ZNF665: variants seen among roughly 807,000 people sequenced by gnomAD.
The protein encoded by ZNF665 is zinc finger protein 665.
ZNF665 carries 6 observed loss-of-function variants against 7.9 expected under a neutral mutation model. The ratio of observed to expected loss-of-function variants is 0.76; its 90% CI spans 0.42 to 1.50. ZNF665 has a LOEUF of 1.50. Among genes scored for constraint, ZNF665 ranks in the 40% most tolerant of loss-of-function variants. The pLI, the probability that ZNF665 is intolerant of heterozygous loss-of-function variation, is 0.01. For synonymous variants in ZNF665, 242 were observed against 274.5 expected, an observed-to-expected ratio of 0.88 and a Z score of 1.17; for missense variants, 819 against 806.7, an observed-to-expected ratio of 1.02 and a Z score of -0.18.
In ZNF665 at chr19:53,183,207, G is replaced by A. The variant is rs148154632; in HGVS notation, c.-45-264C>T. Among the ~76,000 whole-genome samples the A allele has an allele frequency of 4.1e-3, 627 of 152,280 alleles. 1 individual carries two copies. Among genetic ancestry groups the A allele is most frequent in the African/African-American group, 0.014 (591 of 41,562 alleles). ...TGGAGAAGCCCCCACACAGGCTGCA[G>A]CAGTGGGGAGCTGGGCTGGAATGAG... is the stretch of plus-strand genomic sequence containing the variant. On this transcript the variant is annotated intron_variant, in intron 1 of 3. Transcript: ENST00000396424.
At chr19:53,180,348 G>A (rs2090729148) in intron 2 of ZNF665, among the ~76,000 whole-genome samples, 1 of 151,888 alleles carries the variant, frequency 6.6e-6, no homozygotes, top group African/African-American at 2.4e-5. Flanking sequence ...CAGGAGAATT[G>A]CTTGAACCTA....
Position 53,175,549 on chromosome 19 carries a change from A to G in ZNF665, c.38T>C (p.Val13Ala). ...CTCCTCCTGAGAGAATTCTATGGCCACATCCTTGAATGTCAACTGTCCCTA... is the reference window on the plus strand; with the variant it reads ...CTCCTCCTGAGAGAATTCTATGGCCGCATCCTTGAATGTCAACTGTCCCTA... ...LPQGQLTFKD[V>A]AIEFSQEEWT... Residue 13 changes from valine (V) to alanine (A), a missense_variant, in exon 3 of 4, where the codon GTG becomes GCG. Transcript: ENST00000396424. 6.2e-7 allele frequency: 1 copy of G among 1,606,862 alleles called. No homozygotes were observed. The highest frequency in any genetic ancestry group is 8.5e-7 in the Non-Finnish European group (1 of 1,178,144).
At chr19:53,190,854 A>T (rs1030267701) in intron 1 of ZNF665, among the ~76,000 whole-genome samples, 2 of 152,226 alleles carry the variant, frequency 1.3e-5, no homozygotes, top group Non-Finnish European at 2.9e-5. Context: ...GAATTGCTTG[A>T]GCCCAGGAAG....
Position 53,164,896 on chromosome 19 carries a change from G to A in ZNF665, c.1594C>T (p.His532Tyr). The change falls in exon 4 of 4, where the codon CAT (histidine) becomes TAT (tyrosine). Residue 532 changes from histidine (H) to tyrosine (Y), a missense_variant. Coordinates refer to ENST00000396424, the MANE Select transcript of ZNF665 (RefSeq NM_024733.5). ...AFSVHSSLTI[H>Y]QTIHTGQKPY... ...TTTTGTCCAGTATGTATTGTCTGAT[G>A]TATAGTTAGGCTTGAATGAACACTA... 1.2e-6 allele frequency: 2 copies of A among 1,614,162 alleles called. No individual in the cohort carries two copies. Among genetic ancestry groups the A allele is most frequent in the Non-Finnish European group, 1.7e-6 (2 of 1,180,034 alleles).
chr19:53,182,768 A>T (rs1313098061), intron 2 of ZNF665, 116 bp downstream of exon 2: 1 of 1,521,604 alleles, frequency 6.6e-7, no homozygotes, highest in Non-Finnish European at 9.1e-7. Flanking sequence ...GGCACGAGTG[A>T]GTGCGAGCAA....
chr19:53,190,791 G>T (rs2090810993), intron 1 of ZNF665, among the ~76,000 whole-genome samples: 2 of 152,140 alleles, frequency 1.3e-5, no homozygotes, highest in Admixed American at 1.3e-4. Context: ...AAAATTATCT[G>T]GGTGTGGTGG....
rs557961056 is a variant in ZNF665 at position 53,172,551 on chromosome 19, A to T, written c.142+2894T>A. Among the ~76,000 whole-genome samples the T allele has an allele frequency of 5.3e-5, 8 of 152,014 alleles. No individual in the cohort carries two copies. The East Asian group carries it at 1.5e-3, about 29-fold the overall frequency. On this transcript the variant is annotated intron_variant, in intron 3 of 3. Transcript: ENST00000396424. ...GTCTGCCTTCCTTCAAGAACTGTAT[A>T]TTGAGGCTCATACCTGTAATCTCAG...
intron 1 of ZNF665, among the ~76,000 whole-genome samples, chr19:53,189,467 A>C (rs1036513005): frequency 6.8e-6 from 1 of 146,774 alleles, no homozygotes. Context: ...TCATGTGTCC[A>C]CTGGACAGGG....
At chr19:53,171,504 G>GTGTGTATATATATATA (rs140482885) in intron 3 of ZNF665, among the ~76,000 whole-genome samples, 1,228 of 57,350 alleles carry the variant, frequency 0.021, 53 homozygotes, top group South Asian at 0.038. Context: ...GTGTGTGTGT[G>GTGTGTATATATATATA]TATATATATA....
Position 53,175,132 on chromosome 19 carries a change from C to T in ZNF665, c.142+313G>A, listed in dbSNP as rs150019329. The stretch of plus-strand genomic sequence containing the variant: ...TGAGTGGTTAGGAAACACCACACTA[C>T]GCAGATATCTAGCTTTCTTCCATGA... On this transcript the variant is annotated intron_variant, in intron 3 of 3. Transcript: ENST00000396424. Among the ~76,000 whole-genome samples the T allele has an allele frequency of 3.4e-4, 52 of 152,236 alleles. 1 individual carries two copies. In the East Asian group the frequency reaches 5.2e-3, roughly 15 times the overall value.
rs182632180 is a variant in ZNF665, at chr19:53,192,837, G to A, written c.-46+475C>T. Among the ~76,000 whole-genome samples, 46 of 152,214 alleles carry A rather than the reference G, an allele frequency of 3.0e-4. No individual in the cohort carries two copies. The East Asian group carries it at 9.0e-3, about 30-fold the overall frequency. On this transcript the variant is annotated intron_variant, in intron 1 of 3. Coordinates refer to ENST00000396424, the MANE Select transcript of ZNF665 (RefSeq NM_024733.5). ...TGACTGCGAAGGGGAGGCCTAGGGAGCAGCAGGGCCCGGCACGAGGAGGAG... is the reference window on the plus strand; with the variant it reads ...TGACTGCGAAGGGGAGGCCTAGGGAACAGCAGGGCCCGGCACGAGGAGGAG...
intron 3 of ZNF665, among the ~76,000 whole-genome samples, chr19:53,168,598 G>A (rs1256816586): frequency 6.6e-6 from 1 of 152,210 alleles, no homozygotes; most frequent in Admixed American, 6.5e-5. Flanking sequence ...AAATTAACAG[G>A]CTTTCTAAAA....
chr19:53,175,343 C>G (rs2090688714), intron 3 of ZNF665, 102 bp downstream of exon 3: 2 of 1,413,164 alleles, frequency 1.4e-6, no homozygotes, highest in African/African-American at 2.9e-5. Context: ...AACAGGACAT[C>G]AATCCTCATC....
intron 3 of ZNF665, among the ~76,000 whole-genome samples, chr19:53,174,858 G>GACCT (rs1255262565): frequency 6.7e-6 from 1 of 150,176 alleles, no homozygotes; most frequent in Non-Finnish European, 1.5e-5. Context: ...AGAATCGCTT[G>GACCT]AACTCAGGAG....
At chr19:53,177,202 A>G (rs8101962) in intron 2 of ZNF665, among the ~76,000 whole-genome samples, 79,178 of 152,086 alleles carry the variant, frequency 0.52, 23,628 homozygotes, top group South Asian at 0.72. Flanking sequence ...TATTTGAGCA[A>G]GTTATGTCTG....
chr19:53,185,687 G>A (rs988015483), intron 1 of ZNF665, among the ~76,000 whole-genome samples: 5 of 151,870 alleles, frequency 3.3e-5, no homozygotes, highest in African/African-American at 1.2e-4. Context: ...CCACATTTAG[G>A]GAACAGAAAA....
chr19:53,170,253 C>CT (rs2090647585), intron 3 of ZNF665, among the ~76,000 whole-genome samples: 1 of 152,134 alleles, frequency 6.6e-6, no homozygotes, highest in East Asian at 1.9e-4. Context: ...TGGAATATAA[C>CT]TTTTTTAAAA....
At chr19:53,168,917 C>A (rs2090637527) in intron 3 of ZNF665, among the ~76,000 whole-genome samples, 1 of 152,034 alleles carries the variant, frequency 6.6e-6, no homozygotes, top group South Asian at 2.1e-4. Flanking sequence ...TTTGTTTATA[C>A]CTCATTCCAT....
chr19:53,166,285 C>A lies in ZNF665; in HGVS notation c.205G>T (p.Ala69Ser). Residue 69 changes from alanine (A) to serine (S), a missense_variant, in exon 4 of 4, where the codon GCG becomes TCG. By Grantham distance (99) the Ala-to-Ser change is moderately conservative (BLOSUM62 1). Transcript: ENST00000396424. ...CTCTCCAACTTCACCGTGTAGAACG[C>A]TTCTCCCATATTGTTCTTCCCCTTT... ...PPKGKNNMGEAFYTVKLERLE... is the reference protein window; with the variant it reads ...PPKGKNNMGESFYTVKLERLE... 6.2e-7 allele frequency: 1 copy of A among 1,611,088 alleles called. No individual in the cohort carries two copies. The highest frequency in any genetic ancestry group is 8.5e-7 in the Non-Finnish European group (1 of 1,179,002).
Sources: allele counts gnomAD v4.1 joint callset (sites outside exome capture counted in the v4.1 genomes callset), GRCh38; gene constraint gnomAD v4.1.1; transcripts MANE v1.5; gene names NCBI Gene and HGNC (gene_info 2026-07-23, HGNC 2026-07-21).